The following CFAP77 variants were observed in gnomAD, a reference collection of about 807,000 sequenced individuals.
CFAP77 encodes the protein cilia and flagella associated protein 77.
In CFAP77, 25 loss-of-function variants were observed where a neutral mutation model predicts 31.1. The ratio of observed to expected loss-of-function variants is 0.80; its 90% CI spans 0.59 to 1.12. The LOEUF is 1.12. Ranked by LOEUF, CFAP77 falls within the 50% of genes most tolerant of loss-of-function variation. The pLI is 0.00. For missense variants in CFAP77, 377 were observed against 397.3 expected, an observed-to-expected ratio of 0.95 and a Z score of 0.44; for synonymous variants, 151 against 159.9, an observed-to-expected ratio of 0.94 and a Z score of 0.42.
Position 132,545,333 on chromosome 9 carries a change from G to C in CFAP77, c.732+2286G>C, listed in dbSNP as rs1852714336. On this transcript the variant is annotated intron_variant, in intron 5 of 5. Transcript: ENST00000393216. This position sits in a 1 kb window ranked among gnomAD's most constrained non-coding sequence, Gnocchi z 4.6. ...GACCAGGTGGTGCAGATGAAAGGCAGAGGGGGAGCACCTTCCTTGCCCAGA... is the reference window on the plus strand; with the variant it reads ...GACCAGGTGGTGCAGATGAAAGGCACAGGGGGAGCACCTTCCTTGCCCAGA... Among the ~76,000 whole-genome samples the C allele has an allele frequency of 6.6e-6, 1 of 152,222 alleles. No homozygotes were observed. Among genetic ancestry groups the C allele is most frequent in the African/African-American group, 2.4e-5 (1 of 41,444 alleles).
chr9:132,465,314 G>T (rs529213044), intron 1 of CFAP77, among the ~76,000 whole-genome samples: 1 of 152,232 alleles, frequency 6.6e-6, no homozygotes, highest in African/African-American at 2.4e-5. Context: ...TCATGTGCGA[G>T]AGTGTTTCCT....
chr9:132,519,064 G>T (rs921468867), intron 3 of CFAP77, among the ~76,000 whole-genome samples: 1 of 152,058 alleles, frequency 6.6e-6, no homozygotes. Context: ...TGTGAGGATG[G>T]TTATTTCTGC....
At chr9:132,515,423 C>G (rs1305155762) in intron 3 of CFAP77, among the ~76,000 whole-genome samples, 1 of 152,066 alleles carries the variant, frequency 6.6e-6, no homozygotes, top group Non-Finnish European at 1.5e-5. Context: ...TGTGTCCCTT[C>G]CTCTGTTTAA....
At chr9:132,482,087 CA>C in intron 1 of CFAP77, among the ~76,000 whole-genome samples, 1 of 151,942 alleles carries the variant, frequency 6.6e-6, no homozygotes, top group South Asian at 2.1e-4. Flanking sequence ...CTGCAGCTGT[CA>C]AAACTTAAAA....
In CFAP77 at chr9:132,552,695, CA is replaced by C. The variant is rs571136796; in HGVS notation, c.732+9665del. 0.057 allele frequency among the ~76,000 whole-genome samples: 5,085 copies of C among 89,936 alleles called. 297 individuals carry two copies. Among genetic ancestry groups the C allele is most frequent in the African/African-American group, 0.17 (4,656 of 26,770 alleles). The allele number at this position is 89,936 out of a possible 152,430, so 59.0% of individuals were successfully genotyped here. A position where few individuals can be genotyped will look rare whatever the true frequency, so the allele number is the denominator to read the frequency against. On this transcript the variant is annotated intron_variant, in intron 5 of 5. Transcript: ENST00000393216. This position sits in a 1 kb window ranked among gnomAD's most constrained non-coding sequence, Gnocchi z 5.5. ...CAGGTGACAGGGTGAGACTCCATCTCAAAAAAAAAAAAAAAAAGCAGAGTCC... is the reference window on the plus strand; with the variant it reads ...CAGGTGACAGGGTGAGACTCCATCTCAAAAAAAAAAAAAAAAGCAGAGTCC...
chr9:132,526,391 G>A (rs1404727489), intron 3 of CFAP77, among the ~76,000 whole-genome samples: 3 of 150,248 alleles, frequency 2.0e-5, no homozygotes, highest in African/African-American at 7.3e-5. Flanking sequence ...CACCACGCCT[G>A]GCTAATTTTT....
chr9:132,525,900 T>G (rs554003155), intron 3 of CFAP77, among the ~76,000 whole-genome samples: 1 of 152,320 alleles, frequency 6.6e-6, no homozygotes, highest in African/African-American at 2.4e-5. Context: ...GGAGAGTTCA[T>G]TCTTTTTCGT....
chr9:132,468,486 G>A (rs376615190), intron 1 of CFAP77, among the ~76,000 whole-genome samples: 50 of 152,224 alleles, frequency 3.3e-4, no homozygotes, highest in African/African-American at 8.9e-4. Flanking sequence ...GCCAGCCCCT[G>A]CCCTGGGCCC....
chr9:132,522,481 C>T (rs7041295), intron 3 of CFAP77, among the ~76,000 whole-genome samples: 1,932 of 152,248 alleles, frequency 0.013, 38 homozygotes, highest in African/African-American at 0.044. Context: ...AAAGAATGGA[C>T]GGCTGTAATT....
intron 3 of CFAP77, among the ~76,000 whole-genome samples, chr9:132,510,391 G>A (rs576003198): frequency 5.3e-5 from 8 of 152,214 alleles, no homozygotes; most frequent in Admixed American, 2.0e-4. Context: ...GCCTCTTATC[G>A]CCTCTACAGC....
At chr9:132,500,152 C>CA (rs563485823) in intron 3 of CFAP77, among the ~76,000 whole-genome samples, 2,993 of 84,696 alleles carry the variant, frequency 0.035, 80 homozygotes, top group African/African-American at 0.095. Context: ...ACCCTGTCTC[C>CA]AAAAAAAAAA....
At chr9:132,541,701 T>A (rs1307148714) in intron 4 of CFAP77, among the ~76,000 whole-genome samples, 1 of 152,068 alleles carries the variant, frequency 6.6e-6, no homozygotes, top group Non-Finnish European at 1.5e-5. Context: ...TGACACTCCG[T>A]CTCAAAACAA....
At chr9:132,426,754 C>T (rs779213339) in intron 1 of CFAP77, among the ~76,000 whole-genome samples, 7 of 152,162 alleles carry the variant, frequency 4.6e-5, no homozygotes, top group African/African-American at 9.7e-5. Flanking sequence ...TCTGTGCTAC[C>T]GAATTCATTT....
Position 132,470,701 on chromosome 9 carries a change from C to T in CFAP77, c.196-27994C>T, listed in dbSNP as rs537473922. Among the ~76,000 whole-genome samples the T allele has an allele frequency of 3.3e-5, 5 of 152,338 alleles. No individual in the cohort carries two copies. The East Asian group carries it at 9.7e-4, about 29-fold the overall frequency. The stretch of plus-strand genomic sequence containing the variant: ...GGCTCTGGGCATGTCTGCCTTTGTG[C>T]GCCCGTTTAAAAGATTATTTAATGT... On this transcript the variant is annotated intron_variant, in intron 1 of 5. Coordinates refer to ENST00000393216, the MANE Select transcript of CFAP77 (RefSeq NM_001282957.2).
At chr9:132,416,683 G>C (rs937315916) in intron 1 of CFAP77, among the ~76,000 whole-genome samples, 1 of 149,046 alleles carries the variant, frequency 6.7e-6, no homozygotes, top group Non-Finnish European at 1.5e-5. Flanking sequence ...CTGTTGCCCA[G>C]GCTGGAGTGC....
At chr9:132,532,944 T>C (rs1197239050) in intron 3 of CFAP77, among the ~76,000 whole-genome samples, 4 of 152,198 alleles carry the variant, frequency 2.6e-5, no homozygotes. Context: ...TCCCAGCCAC[T>C]TGGGAGGCCG....
intron 3 of CFAP77, among the ~76,000 whole-genome samples, chr9:132,533,863 A>G (rs777240640): frequency 3.0e-4 from 45 of 152,372 alleles, no homozygotes; most frequent in Non-Finnish European, 6.5e-4. Flanking sequence ...CCTGGGCAAC[A>G]GAGCGAGACT....
chr9:132,556,826 C>T (rs1852912886), intron 5 of CFAP77, among the ~76,000 whole-genome samples: 1 of 152,234 alleles, frequency 6.6e-6, no homozygotes, highest in Admixed American at 6.5e-5. Flanking sequence ...GCTCCTGGCG[C>T]GCTAACGATT....
At chr9:132,519,518 G>C (rs62649744) in intron 3 of CFAP77, among the ~76,000 whole-genome samples, 839 of 44,930 alleles carry the variant, frequency 0.019, no homozygotes, top group Middle Eastern at 0.033. Flanking sequence ...GTGGGTGGGT[G>C]GGTAGATGGA....
Sources: allele counts gnomAD v4.1 joint callset (sites outside exome capture counted in the v4.1 genomes callset), GRCh38; gene constraint gnomAD v4.1.1; non-coding constraint Gnocchi (gnomAD v3.1); transcripts MANE v1.5; gene names NCBI Gene and HGNC (gene_info 2026-07-23, HGNC 2026-07-21).